Variants in RPS6KC1 observed in about 807,000 individuals in gnomAD.
RPS6KC1 encodes inactive ribosomal protein S6 kinase delta-1.
A neutral mutation model predicts 103.8 loss-of-function variants in RPS6KC1; 54 were observed. The ratio of observed to expected loss-of-function variants is 0.52; its 90% CI spans 0.42 to 0.65. The LOEUF is 0.65. Among genes scored for constraint, RPS6KC1 ranks in the 30% least tolerant of loss-of-function variants. The pLI, the probability that RPS6KC1 is intolerant of heterozygous loss-of-function variation, is 0.00. For synonymous variants in RPS6KC1, 439 were observed against 438.7 expected, an observed-to-expected ratio of 1.00 and a Z score of -0.01; for missense variants, 1,151 against 1,253.8, an observed-to-expected ratio of 0.92 and a Z score of 1.24.
chr1:213,776,617 T>C, the RPS6KC1 span, among the ~76,000 whole-genome samples: 1 of 152,336 alleles, frequency 6.6e-6, no homozygotes, highest in South Asian at 2.1e-4. Flanking sequence ...AGCATCATTT[T>C]TAAGGGCCCT....
chr1:213,312,547 C>T, the RPS6KC1 span, among the ~76,000 whole-genome samples: 1 of 152,168 alleles, frequency 6.6e-6, no homozygotes, highest in African/African-American at 2.4e-5. Flanking sequence ...AACTCCATCT[C>T]CTGCCCTTGG....
chr1:213,279,552 T>C (rs1454681345), downstream of RPS6KC1, among the ~76,000 whole-genome samples: 1 of 152,208 alleles, frequency 6.6e-6, no homozygotes, highest in Non-Finnish European at 1.5e-5. Flanking sequence ...TGGCACTTTT[T>C]CCCACATTTT....
intron 12 of RPS6KC1, among the ~76,000 whole-genome samples, chr1:213,246,549 A>G (rs1163401616): frequency 6.6e-6 from 1 of 152,168 alleles, no homozygotes; most frequent in African/African-American, 2.4e-5. Context: ...TTTTACACAC[A>G]TACACACAAA....
At chr1:213,654,974 G>T in the RPS6KC1 span, among the ~76,000 whole-genome samples, 1 of 152,158 alleles carries the variant, frequency 6.6e-6, no homozygotes, top group African/African-American at 2.4e-5. Flanking sequence ...CTAACTAACT[G>T]CCCAAGTGTC....
chr1:213,696,331 C>T, the RPS6KC1 span, among the ~76,000 whole-genome samples: 1 of 151,974 alleles, frequency 6.6e-6, no homozygotes, highest in Non-Finnish European at 1.5e-5. Context: ...GAAACTCCGT[C>T]TGTACTAAAA....
intron 1 of RPS6KC1, among the ~76,000 whole-genome samples, chr1:213,062,834 TGAGCCA>T (rs2077973747): frequency 2.0e-5 from 3 of 152,140 alleles, no homozygotes; most frequent in Non-Finnish European, 4.4e-5. Context: ...ATTACAGGCG[TGAGCCA>T]TCGCATCCGG....
the RPS6KC1 span, among the ~76,000 whole-genome samples, chr1:213,673,012 G>A: frequency 6.6e-6 from 1 of 152,132 alleles, no homozygotes; most frequent in Non-Finnish European, 1.5e-5. Context: ...CCCAAACTCT[G>A]GGAAAAGAGA....
the RPS6KC1 span, among the ~76,000 whole-genome samples, chr1:213,437,468 T>A: frequency 2.0e-5 from 3 of 152,048 alleles, no homozygotes; most frequent in Non-Finnish European, 4.4e-5. Flanking sequence ...TTTTTACTCT[T>A]GTGATGTGCT....
the RPS6KC1 span, among the ~76,000 whole-genome samples, chr1:213,431,856 G>A: frequency 6.6e-6 from 1 of 152,140 alleles, no homozygotes; most frequent in South Asian, 2.1e-4. Context: ...GACTATCTAT[G>A]TTCAGATCTA....
rs146621462 is a variant in RPS6KC1, at chr1:213,079,663, C to T, written c.262+1847C>T. Among the ~76,000 whole-genome samples the T allele has an allele frequency of 3.0e-4, 46 of 152,198 alleles. No homozygotes were observed. In the East Asian group the frequency reaches 7.7e-3, roughly 26 times the overall value. On this transcript the variant is annotated intron_variant, in intron 3 of 14. Transcript: ENST00000366960. Reference sequence around the variant, plus strand: ...GAACTCCTGGGCTTAAGTGATCTGCCTACCTCAGCCTCCCAAAGTCCTGGG... The same window carrying T: ...GAACTCCTGGGCTTAAGTGATCTGCTTACCTCAGCCTCCCAAAGTCCTGGG...
the RPS6KC1 span, among the ~76,000 whole-genome samples, chr1:213,512,622 G>T: frequency 2.3e-4 from 35 of 152,298 alleles, 1 homozygote; most frequent in East Asian, 6.8e-3. Flanking sequence ...CCATGCTTTG[G>T]CAAATTATCT....
chr1:213,681,594 C>G, the RPS6KC1 span, among the ~76,000 whole-genome samples: 1 of 152,016 alleles, frequency 6.6e-6, no homozygotes, highest in Non-Finnish European at 1.5e-5. Context: ...CCTGGGAGTT[C>G]AAGACCAGCC....
At chr1:213,162,717 C>T (rs1411352500) in intron 6 of RPS6KC1, among the ~76,000 whole-genome samples, 1 of 152,166 alleles carries the variant, frequency 6.6e-6, no homozygotes, top group Non-Finnish European at 1.5e-5. Context: ...ATTTAACACT[C>T]TATGATATAA....
chr1:213,102,289 T>C (rs1295429306), intron 3 of RPS6KC1, among the ~76,000 whole-genome samples: 1 of 152,204 alleles, frequency 6.6e-6, no homozygotes, highest in Non-Finnish European at 1.5e-5. Context: ...AGTCTCGCTA[T>C]GTTGCCCAGG....
At chr1:213,768,066 A>C in the RPS6KC1 span, among the ~76,000 whole-genome samples, 1 of 152,218 alleles carries the variant, frequency 6.6e-6, no homozygotes, top group Non-Finnish European at 1.5e-5. Flanking sequence ...CCGGGTATTT[A>C]TCTATATCAC....
the RPS6KC1 span, among the ~76,000 whole-genome samples, chr1:213,742,367 G>T: frequency 0.54 from 81,727 of 152,048 alleles, 22,321 homozygotes; most frequent in East Asian, 0.82. Flanking sequence ...CTTATTTGAC[G>T]TAGAATCTTT....
In RPS6KC1 at chr1:213,053,754, G is replaced by C. The variant is rs187959555; in HGVS notation, c.105+2245G>C. On this transcript the variant is annotated intron_variant, in intron 1 of 14. Coordinates refer to ENST00000366960, the MANE Select transcript of RPS6KC1 (RefSeq NM_012424.6). ...TCCATAAAGACCTGGAGGTATGAAT[G>C]TGTGTGGAACTGGAATTGGAAGCAC... Among the ~76,000 whole-genome samples, 70 of 152,226 alleles carry C rather than the reference G, an allele frequency of 4.6e-4. 3 individuals carry two copies. The East Asian group carries it at 8.9e-3, about 19-fold the overall frequency.
chr1:213,850,545 G>T, the RPS6KC1 span, among the ~76,000 whole-genome samples: 1 of 152,146 alleles, frequency 6.6e-6, no homozygotes, highest in African/African-American at 2.4e-5. Flanking sequence ...TGCTCTTTCC[G>T]ATGAGCTACT....
chr1:213,405,997 C>T, the RPS6KC1 span, among the ~76,000 whole-genome samples: 2 of 152,154 alleles, frequency 1.3e-5, no homozygotes, highest in African/African-American at 4.8e-5. Context: ...CCAGGGGGCC[C>T]GATGCTGGAA....
Sources: gnomAD v4.1 joint callset for allele counts (sites outside exome capture counted in the v4.1 genomes callset) on GRCh38, gnomAD v4.1.1 for gene constraint, MANE v1.5 for transcripts, NCBI Gene and HGNC (gene_info 2026-07-23, HGNC 2026-07-21) for gene names.